TBC1D32: variants seen among roughly 807,000 people sequenced by gnomAD.
TBC1D32 encodes TBC1 domain family member 32.
In TBC1D32, 151 loss-of-function variants were observed where a neutral mutation model predicts 170.3. The observed-to-expected ratio is 0.89, with a 90% CI of 0.78 to 1.01. The LOEUF is 1.01. Among genes scored for constraint, TBC1D32 ranks in the 50% least tolerant of loss-of-function variants. The probability of loss-of-function intolerance (pLI) is 0.00; values close to 1 mark genes in which losing one functional copy is unlikely to be tolerated. For missense variants in TBC1D32, 1,464 were observed against 1,457.1 expected, an observed-to-expected ratio of 1.00 and a Z score of -0.08; for synonymous variants, 498 against 488.0, an observed-to-expected ratio of 1.02 and a Z score of -0.27.
chr6:121,310,036 A>AATATAT (rs962606735), intron 4 of TBC1D32, among the ~76,000 whole-genome samples: 1 of 150,926 alleles, frequency 6.6e-6, no homozygotes, highest in African/African-American at 2.4e-5. Flanking sequence ...CCCTATCTTA[A>AATATAT]ATATATATAT....
intron 30 of TBC1D32, among the ~76,000 whole-genome samples, chr6:121,101,921 A>G (rs1049116162): frequency 2.1e-4 from 32 of 152,168 alleles, no homozygotes; most frequent in African/African-American, 7.2e-4. Flanking sequence ...TACAAAAATC[A>G]CAAGCATTCT....
At position 121,160,021 on chromosome 6, in the gene TBC1D32, C is replaced by A; in HGVS notation, c.2762G>T (p.Gly921Val). The part of the protein sequence containing the change: ...CYLSDITRNA[G>V]IKQDNDLDKL... The stretch of plus-strand genomic sequence containing the variant: ...GGTAAATATTTTACCTTGTTTTATA[C>A]CAGCATTTCTTGTAATGTCTGACAG... Residue 921 changes from glycine (G) to valine (V), a missense_variant, in exon 24 of 32, where the codon GGT (glycine) becomes GTT (valine). By Grantham distance (109) the Gly-to-Val change is moderately radical. Coordinates refer to ENST00000398212, the MANE Select transcript of TBC1D32 (RefSeq NM_152730.6). 6.3e-7 allele frequency: 1 copy of A among 1,598,000 alleles called. No homozygotes were observed. The highest frequency in any genetic ancestry group is 8.6e-7 in the Non-Finnish European group (1 of 1,166,962).
intron 30 of TBC1D32, among the ~76,000 whole-genome samples, chr6:121,102,446 C>A (rs987157090): frequency 6.6e-6 from 1 of 152,082 alleles, no homozygotes; most frequent in Non-Finnish European, 1.5e-5. Context: ...ACATCTACAA[C>A]CATCTGATCT....
intron 24 of TBC1D32, among the ~76,000 whole-genome samples, chr6:121,150,435 T>C (rs6909278): frequency 0.032 from 4,904 of 152,350 alleles, 269 homozygotes; most frequent in African/African-American, 0.11. Flanking sequence ...TTTACGTCGA[T>C]GTTCATCAAG....
Position 121,131,700 on chromosome 6 carries a change from AGTTT to A in TBC1D32, c.2822_2825del (p.Gln941LeufsTer4). ...GTCTTTGGCAGTTTTCTATCCATTC[AGTTT>A]GTTTATCAGATATTTTGAGGCATAA... On this transcript the variant is annotated frameshift_variant, in exon 25 of 32. Coordinates refer to ENST00000398212, the MANE Select transcript of TBC1D32 (RefSeq NM_152730.6). LOFTEE classifies it high-confidence loss of function. The A allele has an allele frequency of 2.5e-6, 4 of 1,610,048 alleles. No individual in the cohort carries two copies. The highest frequency in any genetic ancestry group is 3.4e-6 in the Non-Finnish European group (4 of 1,177,638).
At chr6:121,299,294 T>C (rs1806107163) in intron 10 of TBC1D32, 152 bp downstream of exon 10, 1 of 742,324 alleles carries the variant, frequency 1.3e-6, no homozygotes, top group Admixed American at 3.5e-5. Context: ...CCTTTATGTG[T>C]CACAGGATGG....
chr6:121,101,203 T>C (rs770034022), intron 30 of TBC1D32, among the ~76,000 whole-genome samples: 1 of 152,028 alleles, frequency 6.6e-6, no homozygotes, highest in African/African-American at 2.4e-5. Flanking sequence ...TTCCAATTAA[T>C]AGAAAAAGAG....
chr6:121,319,033 T>A (rs1268745784), intron 2 of TBC1D32, among the ~76,000 whole-genome samples: 2 of 149,700 alleles, frequency 1.3e-5, no homozygotes, highest in African/African-American at 2.4e-5. Flanking sequence ...TTGTTAGATA[T>A]AATTTCTACA....
In TBC1D32 at chr6:121,179,931, ATG is replaced by A. The variant is rs530592626; in HGVS notation, c.2571-18877_2571-18876del. On this transcript the variant is annotated intron_variant, in intron 22 of 31. Coordinates refer to ENST00000398212, the MANE Select transcript of TBC1D32 (RefSeq NM_152730.6). ...GACCTTCCCTAATATCAGTCTTGCA[ATG>A]TGCTTCCAGTGTCCATGCTCTTAAC... 6.6e-5 allele frequency among the ~76,000 whole-genome samples: 10 copies of A among 152,242 alleles called. 1 individual carries two copies. In the South Asian group the frequency reaches 2.1e-3, roughly 32 times the overall value.
chr6:121,088,386 T>G (rs1477015972), intron 31 of TBC1D32, among the ~76,000 whole-genome samples: 1 of 152,172 alleles, frequency 6.6e-6, no homozygotes, highest in East Asian at 1.9e-4. Context: ...TTAAATCATG[T>G]GAGTATTTTT....
chr6:121,308,885 A>G (rs1807756238), intron 4 of TBC1D32, among the ~76,000 whole-genome samples: 1 of 152,108 alleles, frequency 6.6e-6, no homozygotes, highest in Admixed American at 6.5e-5. Flanking sequence ...GAAGAATGGA[A>G]CAAAGCTTTT....
chr6:121,183,877 A>C (rs942897671), intron 22 of TBC1D32, among the ~76,000 whole-genome samples: 1 of 151,904 alleles, frequency 6.6e-6, no homozygotes, highest in Non-Finnish European at 1.5e-5. Context: ...TGCTATCAAA[A>C]CCCTCTGAAA....
intron 2 of TBC1D32, among the ~76,000 whole-genome samples, chr6:121,318,431 G>C (rs1196503354): frequency 1.3e-5 from 2 of 151,980 alleles, no homozygotes; most frequent in Admixed American, 6.6e-5. Flanking sequence ...TTTAGAGCTA[G>C]AAAGAACCAT....
At chr6:121,294,543 G>A in intron 11 of TBC1D32, 27 bp downstream of exon 11, 1 of 1,536,446 alleles carries the variant, frequency 6.5e-7, no homozygotes, top group Non-Finnish European at 8.9e-7. Flanking sequence ...ATTTTTAAAA[G>A]TATGTAATAG....
At chr6:121,108,164 T>G (rs1434402945) in intron 29 of TBC1D32, among the ~76,000 whole-genome samples, 1 of 152,104 alleles carries the variant, frequency 6.6e-6, no homozygotes, top group African/African-American at 2.4e-5. Context: ...TATAAAAAGT[T>G]TCATTAGTTG....
intron 15 of TBC1D32, among the ~76,000 whole-genome samples, chr6:121,266,013 G>A (rs1800427941): frequency 6.6e-6 from 1 of 152,120 alleles, no homozygotes; most frequent in African/African-American, 2.4e-5. Flanking sequence ...ATGGGCATGA[G>A]CAAAGATTTT....
intron 22 of TBC1D32, among the ~76,000 whole-genome samples, chr6:121,162,108 G>T (rs996694548): frequency 1.3e-5 from 2 of 152,054 alleles, no homozygotes; most frequent in African/African-American, 4.8e-5. Context: ...TTGTCAGATG[G>T]CCAGATTGCA....
upstream of TBC1D32, chr6:121,334,722 T>C: frequency 2.7e-6 from 1 of 372,280 alleles, no homozygotes; most frequent in Admixed American, 4.3e-5. Context: ...AAAAGAGACA[T>C]CAGGAATGAT....
intron 22 of TBC1D32, among the ~76,000 whole-genome samples, chr6:121,172,441 A>AT (rs1391201962): frequency 6.6e-6 from 1 of 152,156 alleles, no homozygotes; most frequent in Non-Finnish European, 1.5e-5. Flanking sequence ...GTCTCCTGGT[A>AT]TTACCATGCC....
Sources: gnomAD v4.1 joint callset for allele counts (sites outside exome capture counted in the v4.1 genomes callset) on GRCh38, gnomAD v4.1.1 for gene constraint, MANE v1.5 for transcripts, NCBI Gene and HGNC (gene_info 2026-07-23, HGNC 2026-07-21) for gene names.